The following ARHGAP23 variants were observed in gnomAD, a reference collection of about 807,000 sequenced individuals.
ARHGAP23 encodes Rho GTPase activating protein 23, also known as rho GTPase-activating protein 23.
Under a neutral mutation model 136.3 loss-of-function variants are expected in ARHGAP23, and 34 were observed. That is an observed-to-expected ratio of 0.25 (90% CI 0.19 to 0.33). ARHGAP23 has a LOEUF of 0.33. Ranked by LOEUF, ARHGAP23 falls within the 10% of genes least tolerant of loss-of-function variation. ARHGAP23 has a pLI of 1.00. For synonymous variants in ARHGAP23, 832 were observed against 920.5 expected, an observed-to-expected ratio of 0.90 and a Z score of 1.74; for missense variants, 1,808 against 2,139.0, an observed-to-expected ratio of 0.85 and a Z score of 3.05.
rs2040421888 is a variant in ARHGAP23, at chr17:38,497,639, G to A, written c.3277-146G>A. ...TTTTAGGGTCCGTCAAGCTCCCTCT[G>A]AGCCCTCTTTTGCAGCCCCGCCAGC... On this transcript the variant is annotated intron_variant, in intron 20 of 23. Coordinates refer to ENST00000622683, the MANE Select transcript of ARHGAP23 (RefSeq NM_001199417.2). 3.9e-6 allele frequency: 3 copies of A among 767,756 alleles called. No homozygotes were observed. In the African/African-American group the frequency reaches 5.2e-5, roughly 13 times the overall value. The allele number at this position is 767,756 out of a possible 1,614,324, so 47.6% of individuals were successfully genotyped here. A position where few individuals can be genotyped will look rare whatever the true frequency, so the allele number is the denominator to read the frequency against.
At position 38,510,650 on chromosome 17, in the gene ARHGAP23, C is replaced by T. The variant is rs2040741163; in HGVS notation, c.4154C>T (p.Ala1385Val). 1 of 1,374,234 alleles carries T rather than the reference C, an allele frequency of 7.3e-7. No individual in the cohort carries two copies. The highest frequency in any genetic ancestry group is 1.5e-5 in the African/African-American group (1 of 64,928). 85.1% of individuals were successfully genotyped at this position (1,374,234 alleles called of 1,614,324 possible). ...CGCGGCACGGCGGACGACATGCTCG[C>T]CGTGCGCCTGCGGCGGCCGCTGTCG... ...RLRGTADDML[A>V]VRLRRPLSPE... The change falls in exon 24 of 24, where the codon GCC (alanine) becomes GTC (valine). Residue 1385 changes from alanine (A) to valine (V), a missense_variant. Physicochemically the swap from Ala to Val is moderately conservative, Grantham distance 64 (BLOSUM62 0). Around this residue, in one of 7 missense-constraint regions of ARHGAP23, gnomAD observed 506 missense variants for 455.8 expected, o/e 1.11. Coordinates refer to ENST00000622683, the MANE Select transcript of ARHGAP23 (RefSeq NM_001199417.2). The surrounding 1 kb of genome is among the most constrained non-coding windows in gnomAD (Gnocchi z 4.6).
In ARHGAP23 at chr17:38,462,873, C is replaced by G. The variant is rs1456042527; in HGVS notation, c.281C>G (p.Pro94Arg). 1 of 1,530,934 alleles carries G rather than the reference C, an allele frequency of 6.5e-7. No individual in the cohort carries two copies. Among genetic ancestry groups the G allele is most frequent in the Non-Finnish European group, 8.8e-7 (1 of 1,140,802 alleles). 94.8% of individuals were successfully genotyped at this position (1,530,934 alleles called of 1,614,324 possible). A position where few individuals can be genotyped will look rare whatever the true frequency, so the allele number is the denominator to read the frequency against. ...GGPSPRYRLE[P>R]MDTIFVKNVK... ...CCCTCCCCCCGGTACCGCCTGGAGC[C>G]CATGGACACCATCTTTGTCAAGAAT... is the stretch of plus-strand genomic sequence containing the variant. The change falls in exon 4 of 24, where the codon CCC becomes CGC. Residue 94 changes from proline to arginine, a missense_variant. Around this residue, in one of 7 missense-constraint regions of ARHGAP23, gnomAD observed 859 missense variants for 936.4 expected, o/e 0.92. Coordinates refer to ENST00000622683, the MANE Select transcript of ARHGAP23 (RefSeq NM_001199417.2).
chr17:38,475,382 C>G (rs2039869767), intron 11 of ARHGAP23, among the ~76,000 whole-genome samples: 1 of 152,252 alleles, frequency 6.6e-6, no homozygotes, highest in African/African-American at 2.4e-5. Context: ...GGTTTAGCCT[C>G]AGAGAGGTGC....
Position 38,490,536 on chromosome 17 carries a change from C to T in ARHGAP23, c.3135C>T (p.His1045=). The T allele has an allele frequency of 6.5e-7, 1 of 1,547,740 alleles. No homozygotes were observed. The highest frequency in any genetic ancestry group is 8.7e-7 in the Non-Finnish European group (1 of 1,145,196). The change falls in exon 19 of 24, where the codon CAC becomes CAT. Residue 1045 remains histidine, a synonymous_variant. Transcript: ENST00000622683. ...LVGHLKTIAD[H]SEKNKMEPRN... ...GCCATCTCAAGACCATCGCTGACCACTCTGAGAAAAACAAGGTGGGTAGGA... is the reference window on the plus strand; with the variant it reads ...GCCATCTCAAGACCATCGCTGACCATTCTGAGAAAAACAAGGTGGGTAGGA...
intron 1 of ARHGAP23, among the ~76,000 whole-genome samples, chr17:38,429,063 G>A (rs2038629163): frequency 6.6e-6 from 1 of 152,202 alleles, no homozygotes; most frequent in Non-Finnish European, 1.5e-5. Context: ...CTGCCGGGTC[G>A]GACTGCGGGA....
chr17:38,456,769 G>C (rs1231618959), intron 1 of ARHGAP23, among the ~76,000 whole-genome samples: 1 of 152,130 alleles, frequency 6.6e-6, no homozygotes, highest in East Asian at 1.9e-4. Context: ...CCTGTCTCAG[G>C]CACTGTTTTT....
intron 12 of ARHGAP23, among the ~76,000 whole-genome samples, chr17:38,479,149 C>T (rs776309634): frequency 5.9e-5 from 9 of 152,186 alleles, no homozygotes; most frequent in Non-Finnish European, 1.0e-4. Context: ...TCAGTGTCTG[C>T]CAGGACGGTG....
At chr17:38,486,184 G>A (rs1162402087) in intron 17 of ARHGAP23, 44 bp downstream of exon 17, 4 of 1,489,848 alleles carry the variant, frequency 2.7e-6, no homozygotes, top group Non-Finnish European at 3.7e-6. Context: ...ACACCAGTCC[G>A]TGCCTCACCC....
intron 1 of ARHGAP23, among the ~76,000 whole-genome samples, chr17:38,423,284 C>G (rs1049346753): frequency 5.3e-5 from 8 of 152,018 alleles, no homozygotes; most frequent in African/African-American, 1.5e-4. Context: ...CCTCTGACTC[C>G]TGGGTTCAAG....
At chr17:38,498,704 C>T (rs564995014) in intron 22 of ARHGAP23, among the ~76,000 whole-genome samples, 194 bp downstream of exon 22, 2 of 152,312 alleles carry the variant, frequency 1.3e-5, no homozygotes, top group South Asian at 2.1e-4. Context: ...GTGCCCACCT[C>T]CTGTCTGCGC....
chr17:38,511,039 C>T lies in ARHGAP23; in HGVS notation c.*67C>T, dbSNP rs1372253603. The T allele has an allele frequency of 7.4e-7, 1 of 1,348,784 alleles. No individual in the cohort carries two copies. The highest frequency in any genetic ancestry group is 1.5e-5 in the African/African-American group (1 of 64,686). The allele number at this position is 1,348,784 out of a possible 1,614,324, so 83.6% of individuals were successfully genotyped here. Reference sequence around the variant, plus strand: ...GCCCCTTTGGAACCAGGAGGCTTCACCAGCCTGCACCTCCTCTTCTGTGGC... The same window carrying T: ...GCCCCTTTGGAACCAGGAGGCTTCATCAGCCTGCACCTCCTCTTCTGTGGC... On this transcript the variant is annotated 3_prime_UTR_variant, in exon 24 of 24. Transcript: ENST00000622683.
intron 1 of ARHGAP23, among the ~76,000 whole-genome samples, chr17:38,422,421 T>C (rs373687243): frequency 6.6e-6 from 1 of 152,306 alleles, no homozygotes; most frequent in South Asian, 2.1e-4. Flanking sequence ...GCACACTCAC[T>C]CATACACAGG....
At chr17:38,498,818 T>C in intron 22 of ARHGAP23, 6 of 683,766 alleles carry the variant, frequency 8.8e-6, no homozygotes, top group Middle Eastern at 3.8e-4. Flanking sequence ...CTTCTGGGCA[T>C]GTTCCTCTTT....
rs1289042612 is a variant in ARHGAP23, at chr17:38,467,150, G to T, written c.1467G>T (p.Val489=). Residue 489 remains valine (V), a synonymous_variant, in exon 7 of 24, where the codon GTG becomes GTT. Coordinates refer to ENST00000622683, the MANE Select transcript of ARHGAP23 (RefSeq NM_001199417.2). ...CTGCGGAGGATCGCGGCGATGAGGT[G>T]GTCCTGAGGCAGAAGCCCCCGACGG... The part of the protein sequence containing the change: ...EPPAEDRGDE[V]VLRQKPPTGR... The T allele has an allele frequency of 3.9e-6, 6 of 1,549,566 alleles. No individual in the cohort carries two copies. The highest frequency in any genetic ancestry group is 5.2e-6 in the Non-Finnish European group (6 of 1,146,394).
intron 19 of ARHGAP23, among the ~76,000 whole-genome samples, chr17:38,490,956 C>A (rs1421621176): frequency 6.6e-6 from 1 of 152,218 alleles, no homozygotes; most frequent in Non-Finnish European, 1.5e-5. Context: ...TCTCACTCTG[C>A]CGCTCAGGCT....
chr17:38,437,050 T>A (rs1429089082), intron 1 of ARHGAP23, among the ~76,000 whole-genome samples: 1 of 151,920 alleles, frequency 6.6e-6, no homozygotes, highest in Non-Finnish European at 1.5e-5. Context: ...ATAAAGGGGG[T>A]GTATAATTAC....
At chr17:38,443,257 G>A (rs1282814200) in intron 1 of ARHGAP23, among the ~76,000 whole-genome samples, 1 of 152,236 alleles carries the variant, frequency 6.6e-6, no homozygotes, top group Non-Finnish European at 1.5e-5. Context: ...ACCCAACCCG[G>A]TGGAGAGCCA....
At chr17:38,480,005 C>T (rs2039997500) in intron 14 of ARHGAP23, 122 bp downstream of exon 14, 5 of 1,373,742 alleles carry the variant, frequency 3.6e-6, no homozygotes, top group Non-Finnish European at 3.0e-6. Context: ...GCCAGGGCTA[C>T]CGGTATGTCT....
chr17:38,499,765 C>A (rs1186459240), intron 22 of ARHGAP23, among the ~76,000 whole-genome samples: 1 of 152,180 alleles, frequency 6.6e-6, no homozygotes, highest in Non-Finnish European at 1.5e-5. Flanking sequence ...AACTTGCCTG[C>A]CAGAGAGTGT....
Sources: allele counts gnomAD v4.1 joint callset (sites outside exome capture counted in the v4.1 genomes callset), GRCh38; gene constraint gnomAD v4.1.1; regional missense constraint gnomAD v4.1.1; non-coding constraint Gnocchi (gnomAD v3.1); transcripts MANE v1.5; gene names NCBI Gene and HGNC (gene_info 2026-07-23, HGNC 2026-07-21).